HTR2A: variants seen among roughly 807,000 people sequenced by gnomAD.
HTR2A encodes 5-HT2 receptor.
A neutral mutation model predicts 31.0 loss-of-function variants in HTR2A; 14 were observed. That is an observed-to-expected ratio of 0.45 (90% confidence interval 0.30 to 0.71). The LOEUF is 0.71. Ranked by LOEUF, HTR2A falls within the 30% of genes least tolerant of loss-of-function variation. The pLI, the probability that HTR2A is intolerant of heterozygous loss-of-function variation, is 0.09. For synonymous variants in HTR2A, 209 were observed against 225.2 expected (o/e 0.93, Z 0.64); for missense variants, 442 against 573.3 (o/e 0.77, Z 2.34).
intron 3 of HTR2A, among the ~76,000 whole-genome samples, chr13:46,870,001 G>A (rs1950853049): frequency 1.3e-5 from 2 of 152,096 alleles, no homozygotes; most frequent in Non-Finnish European, 2.9e-5. Context: ...GATTGTGAAT[G>A]TAATTTATGC....
chr13:46,892,677 G>A (rs1056639559), intron 2 of HTR2A, 87 bp from the exon 3 acceptor site: 1 of 1,146,090 alleles, frequency 8.7e-7, no homozygotes, highest in African/African-American at 1.5e-5. Context: ...TCCAGCTCTG[G>A]GACAGGCACA....
chr13:46,890,562 T>G (rs1365972975), intron 3 of HTR2A, among the ~76,000 whole-genome samples: 8 of 152,324 alleles, frequency 5.3e-5, no homozygotes, highest in Non-Finnish European at 8.8e-5. Context: ...AAGCTGATTT[T>G]CTTTAAGGGG....
At chr13:46,867,094 A>G (rs1305288297) in intron 3 of HTR2A, among the ~76,000 whole-genome samples, 1 of 152,176 alleles carries the variant, frequency 6.6e-6, no homozygotes, top group Non-Finnish European at 1.5e-5. Flanking sequence ...GGGAGACAAC[A>G]TGGTTTTTGT....
At chr13:46,861,603 C>T (rs1950779021) in intron 3 of HTR2A, among the ~76,000 whole-genome samples, 1 of 152,218 alleles carries the variant, frequency 6.6e-6, no homozygotes, top group South Asian at 2.1e-4. Flanking sequence ...AACTTACTGG[C>T]TTCTGTTTAA....
chr13:46,839,189 G>T (rs1282178454), intron 3 of HTR2A, among the ~76,000 whole-genome samples: 1 of 152,110 alleles, frequency 6.6e-6, no homozygotes, highest in African/African-American at 2.4e-5. Flanking sequence ...GAATCAAGCT[G>T]ATCAGTTATT....
At chr13:46,859,220 C>G (rs9316233) in intron 3 of HTR2A, among the ~76,000 whole-genome samples, 38,114 of 151,914 alleles carry the variant, frequency 0.25, 5,295 homozygotes, top group South Asian at 0.36. Flanking sequence ...TTTGCCCAAG[C>G]CTTCAAGATG....
At chr13:46,886,047 C>T (rs182556454) in intron 3 of HTR2A, among the ~76,000 whole-genome samples, 58 of 152,184 alleles carry the variant, frequency 3.8e-4, no homozygotes, top group African/African-American at 1.4e-3. Context: ...TGATTTTAGC[C>T]GTATCAAACT....
chr13:46,869,700 CAT>C (rs200453440), intron 3 of HTR2A, among the ~76,000 whole-genome samples: 64 of 151,776 alleles, frequency 4.2e-4, no homozygotes, highest in Non-Finnish European at 8.0e-4. Flanking sequence ...AAATGAGGTA[CAT>C]ATATATATAA....
intron 3 of HTR2A, among the ~76,000 whole-genome samples, chr13:46,836,391 TA>T (rs1876454263): frequency 6.6e-6 from 1 of 152,178 alleles, no homozygotes; most frequent in Non-Finnish European, 1.5e-5. Context: ...TACATGTACA[TA>T]TAAAAGCAAA....
intron 3 of HTR2A, among the ~76,000 whole-genome samples, chr13:46,871,817 A>G (rs760175389): frequency 2.6e-5 from 4 of 152,224 alleles, no homozygotes; most frequent in Non-Finnish European, 5.9e-5. Context: ...ATCTTTGTTC[A>G]GAGGCTTGCT....
chr13:46,894,406 A>T (rs1951084084), intron 2 of HTR2A, among the ~76,000 whole-genome samples: 1 of 152,214 alleles, frequency 6.6e-6, no homozygotes, highest in Non-Finnish European at 1.5e-5. Flanking sequence ...GGGAAAGGGC[A>T]GGCAAATTAA....
intron 3 of HTR2A, among the ~76,000 whole-genome samples, chr13:46,880,558 A>T (rs1950951926): frequency 6.6e-6 from 1 of 152,112 alleles, no homozygotes; most frequent in Non-Finnish European, 1.5e-5. Context: ...AGCACTTCTG[A>T]CCGGGCATGG....
At chr13:46,862,473 A>G (rs1050769516) in intron 3 of HTR2A, among the ~76,000 whole-genome samples, 8 of 152,226 alleles carry the variant, frequency 5.3e-5, no homozygotes, top group African/African-American at 9.6e-5. Flanking sequence ...AAAAACAGAA[A>G]AAGTTAGCCA....
intron 3 of HTR2A, among the ~76,000 whole-genome samples, chr13:46,857,752 A>G (rs1254691597): frequency 6.6e-6 from 1 of 152,230 alleles, no homozygotes; most frequent in Non-Finnish European, 1.5e-5. Flanking sequence ...AGCACAGCAT[A>G]TAAGAGCTGA....
At chr13:46,868,243 G>A (rs967009901) in intron 3 of HTR2A, among the ~76,000 whole-genome samples, 4 of 152,214 alleles carry the variant, frequency 2.6e-5, no homozygotes, top group Non-Finnish European at 4.4e-5. Context: ...AGCTGCCAGA[G>A]CTGGGTCAGA....
Position 46,854,059 on chromosome 13 carries a change from G to T in HTR2A, c.614-18420C>A, listed in dbSNP as rs1009273391. The T allele has an allele frequency of 3.7e-4, 56 of 152,312 alleles. 1 individual carries two copies. Among genetic ancestry groups the T allele is most frequent in the African/African-American group, 1.3e-3 (55 of 41,554 alleles). 9.4% of individuals were successfully genotyped at this position (152,312 alleles called of 1,614,324 possible). A position where few individuals can be genotyped will look rare whatever the true frequency, so the allele number is the denominator to read the frequency against. On this transcript the variant is annotated intron_variant, in intron 3 of 3. Coordinates refer to ENST00000542664, the MANE Select transcript of HTR2A (RefSeq NM_000621.5). ...AACTAGCCCAAGTGACTGAGCTGGG[G>T]GGTCCCAGTCATCGGTAGCATGGGT...
intron 3 of HTR2A, among the ~76,000 whole-genome samples, chr13:46,866,391 A>C (rs1048283898): frequency 6.6e-6 from 1 of 152,120 alleles, no homozygotes; most frequent in Non-Finnish European, 1.5e-5. Context: ...GCTATCCTGT[A>C]CTGCCTGAGG....
intron 3 of HTR2A, among the ~76,000 whole-genome samples, chr13:46,890,656 G>C (rs1304576652): frequency 1.3e-5 from 2 of 152,136 alleles, no homozygotes; most frequent in Non-Finnish European, 2.9e-5. Context: ...AATGAGATGG[G>C]GGAGTCAGTG....
chr13:46,843,908 T>C (rs1273833534), intron 3 of HTR2A, among the ~76,000 whole-genome samples: 4 of 152,160 alleles, frequency 2.6e-5, no homozygotes, highest in African/African-American at 7.2e-5. Flanking sequence ...TGGGAGTGCT[T>C]TGGGAATCTG....
Sources: gnomAD v4.1 joint callset for allele counts (sites outside exome capture counted in the v4.1 genomes callset) on GRCh38, gnomAD v4.1.1 for gene constraint, MANE v1.5 for transcripts, NCBI Gene and HGNC (gene_info 2026-07-23, HGNC 2026-07-21) for gene names.